Variants in IRF8 observed in about 807,000 individuals in gnomAD.
IRF8 encodes the protein interferon consensus sequence binding protein 1.
A neutral mutation model predicts 48.7 loss-of-function variants in IRF8; 14 were observed. The observed-to-expected ratio is 0.29, with a 90% CI of 0.19 to 0.45. The LOEUF is 0.45. Ranked by LOEUF, IRF8 falls within the 20% of genes least tolerant of loss-of-function variation. IRF8 has a pLI of 1.00. For synonymous variants in IRF8, 278 were observed against 227.3 expected, an observed-to-expected ratio of 1.22 and a Z score of -2.01; for missense variants, 493 against 580.7, an observed-to-expected ratio of 0.85 and a Z score of 1.55.
chr16:85,921,805 C>T lies in IRF8; in HGVS notation c.*523C>T. On this transcript the variant is annotated 3_prime_UTR_variant, in exon 9 of 9. Transcript: ENST00000268638. ...TTTAAAAATATTTAGATTAAAGCCCCCTTTAATGAGTACAAGAAAAACTCT... is the reference window on the plus strand; with the variant it reads ...TTTAAAAATATTTAGATTAAAGCCCTCTTTAATGAGTACAAGAAAAACTCT... The T allele has an allele frequency of 5.6e-6, 1 of 179,518 alleles. No individual in the cohort carries two copies. The highest frequency in any genetic ancestry group is 5.5e-5 in the Admixed American group (1 of 18,082). 11.1% of individuals were successfully genotyped at this position (179,518 alleles called of 1,614,324 possible). A position where few individuals can be genotyped will look rare whatever the true frequency, so the allele number is the denominator to read the frequency against.
intron 6 of IRF8, among the ~76,000 whole-genome samples, chr16:85,917,509 C>G (rs1393120857): frequency 1.3e-5 from 2 of 152,184 alleles, no homozygotes; most frequent in African/African-American, 4.8e-5. Context: ...TGAGAACCCA[C>G]TATCATTGGC....
chr16:85,899,193 G>GGGCGGCGAGAC lies in IRF8; in HGVS notation c.-25_-15dup, dbSNP rs1222173748. 3 of 152,354 alleles carry GGGCGGCGAGAC rather than the reference G, an allele frequency of 2.0e-5. No individual in the cohort carries two copies. The highest frequency in any genetic ancestry group is 2.1e-4 in the South Asian group (1 of 4,834). 9.4% of individuals were successfully genotyped at this position (152,354 alleles called of 1,614,324 possible). ...AGCGCGGCAGCAAGCGTGGGAACGC[G>GGGCGGCGAGAC]GGCGGCGAGACGGCGGCAGGACGGC... On this transcript the variant is annotated 5_prime_UTR_variant, in exon 1 of 9. Coordinates refer to ENST00000268638, the MANE Select transcript of IRF8 (RefSeq NM_002163.4).
chr16:85,918,593 AG>A lies in IRF8; in HGVS notation c.779del (p.Ser260ThrfsTer7). 6.2e-7 allele frequency: 1 copy of A among 1,606,886 alleles called. No individual in the cohort carries two copies. On this transcript the variant is annotated frameshift_variant, in exon 7 of 9. Coordinates refer to ENST00000268638, the MANE Select transcript of IRF8 (RefSeq NM_002163.4). LOFTEE classifies it high-confidence loss of function. ...VRFPPADAIP[S>X]ERQRQVTRKL... Reference sequence around the variant, plus strand: ...CTTCCCGCCGGCCGACGCCATCCCCAGCGAGCGACAGAGGCAGGTGACGCGG... The same window carrying A: ...CTTCCCGCCGGCCGACGCCATCCCCACGAGCGACAGAGGCAGGTGACGCGG...
At chr16:85,920,674 C>T (rs1052188790) in intron 8 of IRF8, among the ~76,000 whole-genome samples, 3 of 152,168 alleles carry the variant, frequency 2.0e-5, no homozygotes, top group Non-Finnish European at 4.4e-5. Context: ...CTTCAATATG[C>T]GGGAAGCGGA....
Position 85,920,542 on chromosome 16 carries a change from G to A in IRF8, c.1104+318G>A, listed in dbSNP as rs558619435. On this transcript the variant is annotated intron_variant, in intron 8 of 8. Coordinates refer to ENST00000268638, the MANE Select transcript of IRF8 (RefSeq NM_002163.4). ...CGTGAGCCACCTCGCCCGGCAGTCT[G>A]GGCAGCTTTGAGCCCTGCATCCAGG... 3.8e-3 allele frequency among the ~76,000 whole-genome samples: 582 copies of A among 152,250 alleles called. 6 individuals are homozygous for A. The highest frequency in any genetic ancestry group is 0.013 in the African/African-American group (534 of 41,544).
chr16:85,919,070 G>T (rs1449174484), intron 7 of IRF8, among the ~76,000 whole-genome samples: 1 of 152,070 alleles, frequency 6.6e-6, no homozygotes, highest in Non-Finnish European at 1.5e-5. Context: ...TGTCGGGAGG[G>T]TAAAGGAACT....
intron 7 of IRF8, 46 bp downstream of exon 7, chr16:85,918,849 G>A (rs754226090): frequency 1.9e-5 from 30 of 1,598,604 alleles, no homozygotes; most frequent in Middle Eastern, 3.3e-4. Context: ...TAGAGATCAC[G>A]CCTCCTATCT....
chr16:85,900,033 A>T lies in IRF8; in HGVS notation c.-2+810A>T, dbSNP rs77403254. Among the ~76,000 whole-genome samples, 1,006 of 152,324 alleles carry T rather than the reference A, an allele frequency of 6.6e-3. 8 individuals are homozygous for T. The highest frequency in any genetic ancestry group is 0.023 in the African/African-American group (969 of 41,552). ...AACTGGTAGTTAAAATGACAGTTCA[A>T]AGCTTGTCCTTTTGGGTTACGGCAG... On this transcript the variant is annotated intron_variant, in intron 1 of 8. Transcript: ENST00000268638.
At position 85,921,454 on chromosome 16, in the gene IRF8, C is replaced by T. The variant is rs1008113936; in HGVS notation, c.*172C>T. 4 of 719,856 alleles carry T rather than the reference C, an allele frequency of 5.6e-6. No homozygotes were observed. The highest frequency in any genetic ancestry group is 1.6e-5 in the South Asian group (1 of 62,354). The allele number at this position is 719,856 out of a possible 1,614,324, so 44.6% of individuals were successfully genotyped here. ...GGAGTAGACGTTTAATACGAAGTGG[C>T]GGCATAGCCCTGCCGAGATGTCGGT... is the stretch of plus-strand genomic sequence containing the variant. On this transcript the variant is annotated 3_prime_UTR_variant, in exon 9 of 9. Coordinates refer to ENST00000268638, the MANE Select transcript of IRF8 (RefSeq NM_002163.4).
intron 6 of IRF8, 27 bp from the exon 7 acceptor site, chr16:85,918,390 C>T (rs774890679): frequency 8.2e-6 from 13 of 1,592,346 alleles, no homozygotes; most frequent in Non-Finnish European, 1.1e-5. Context: ...CCCCGCAGCA[C>T]CGTCATCGTG....
At chr16:85,919,929 T>A (rs547618735) in intron 7 of IRF8, among the ~76,000 whole-genome samples, 180 bp from the exon 8 acceptor site, 1 of 152,256 alleles carries the variant, frequency 6.6e-6, no homozygotes, top group Admixed American at 6.5e-5. Context: ...CAACCTGGAA[T>A]GGCCAAACGA....
intron 3 of IRF8, among the ~76,000 whole-genome samples, chr16:85,910,626 T>A (rs527316350): frequency 6.6e-5 from 10 of 152,158 alleles, no homozygotes; most frequent in Non-Finnish European, 1.3e-4. Flanking sequence ...GCAGCCAGCA[T>A]CACCTGCTAG....
At chr16:85,918,879 GGGTGGCCCTGT>G in intron 7 of IRF8, 76 bp downstream of exon 7, 4 of 1,573,132 alleles carry the variant, frequency 2.5e-6, no homozygotes, top group Non-Finnish European at 3.5e-6. Context: ...TTGCAGCTCA[GGGTGGCCCTGT>G]GGTCTCATGG....
At chr16:85,899,565 A>G (rs533136047) in intron 1 of IRF8, among the ~76,000 whole-genome samples, 6 of 152,284 alleles carry the variant, frequency 3.9e-5, no homozygotes, top group African/African-American at 1.2e-4. Flanking sequence ...AACGCGCTCT[A>G]TCATCCCACT....
At chr16:85,914,255 C>T (rs548708501) in intron 5 of IRF8, 2 of 601,830 alleles carry the variant, frequency 3.3e-6, no homozygotes, top group East Asian at 2.9e-5. Context: ...TAGAGGAAGT[C>T]CCCCCGACTT....
Position 85,920,118 on chromosome 16 carries a change from A to G in IRF8, c.998A>G (p.Gln333Arg). The G allele has an allele frequency of 6.2e-7, 1 of 1,613,428 alleles. No individual in the cohort carries two copies. The highest frequency in any genetic ancestry group is 8.5e-7 in the Non-Finnish European group (1 of 1,179,514). Residue 333 changes from glutamine (Q) to arginine (R), a missense_variant, in exon 8 of 9, where the codon CAG (glutamine) becomes CGG (arginine). Transcript: ENST00000268638. ...GCCTGTGTCATTCCAGAGCTGCAGC[A>G]GTTCTATAACAGCCAGGGCCGGCTT... ...DTSQFFRELQ[Q>R]FYNSQGRLPD...
rs1033187283 is a variant in IRF8, at chr16:85,900,989, A to G, written c.-2+1766A>G. Reference sequence around the variant, plus strand: ...TGTAGCAAGGAAATCAGGGGAGTTGAAAGTCTCAGAAGCCAACCCCTATGT... The same window carrying G: ...TGTAGCAAGGAAATCAGGGGAGTTGGAAGTCTCAGAAGCCAACCCCTATGT... On this transcript the variant is annotated intron_variant, in intron 1 of 8. Transcript: ENST00000268638. 2 of 152,338 alleles carry G rather than the reference A, an allele frequency of 1.3e-5. 1 individual carries two copies. Among genetic ancestry groups the G allele is most frequent in the South Asian group, 4.2e-4 (2 of 4,818 alleles). The allele number at this position is 152,338 out of a possible 1,614,324, so 9.4% of individuals were successfully genotyped here. A position where few individuals can be genotyped will look rare whatever the true frequency, so the allele number is the denominator to read the frequency against.
chr16:85,904,124 C>T (rs913891504), intron 2 of IRF8, among the ~76,000 whole-genome samples: 9 of 152,214 alleles, frequency 5.9e-5, no homozygotes, highest in Non-Finnish European at 1.0e-4. Context: ...CTGGGAGATT[C>T]GGAGCCCAAG....
rs566729872 is a variant in IRF8, at chr16:85,909,299, C to G, written c.358+126C>G. The G allele has an allele frequency of 3.9e-6, 3 of 770,788 alleles. No individual in the cohort carries two copies. In the South Asian group the frequency reaches 4.5e-5, roughly 11 times the overall value. The allele number at this position is 770,788 out of a possible 1,614,324, so 47.7% of individuals were successfully genotyped here. On this transcript the variant is annotated intron_variant, in intron 3 of 8. Coordinates refer to ENST00000268638, the MANE Select transcript of IRF8 (RefSeq NM_002163.4). Reference sequence around the variant, plus strand: ...ATAGTTTCAGTTAAACAAAGCAGTTCTCTCCTTCGTGTAAGCAGAAATTGA... The same window carrying G: ...ATAGTTTCAGTTAAACAAAGCAGTTGTCTCCTTCGTGTAAGCAGAAATTGA...
Sources: gnomAD v4.1 joint callset for allele counts (sites outside exome capture counted in the v4.1 genomes callset) on GRCh38, gnomAD v4.1.1 for gene constraint, MANE v1.5 for transcripts, NCBI Gene and HGNC (gene_info 2026-07-23, HGNC 2026-07-21) for gene names.